The following HERC2 variants were observed in gnomAD, a reference collection of about 807,000 sequenced individuals.
The protein encoded by HERC2 is HECT and RLD domain containing E3 ubiquitin protein ligase 2, also known as E3 ubiquitin-protein ligase HERC2.
Under a neutral mutation model 537.7 loss-of-function variants are expected in HERC2, and 102 were observed. The observed-to-expected ratio is 0.19, with a 90% CI of 0.16 to 0.22. The LOEUF (loss-of-function observed/expected upper bound fraction) is 0.22, where lower values mean the gene tolerates loss of function less well. HERC2 is among the 10% of genes least tolerant of loss of function. The pLI, the probability that HERC2 is intolerant of heterozygous loss-of-function variation, is 1.00. For synonymous variants in HERC2, 2,224 were observed against 2,466.2 expected, an observed-to-expected ratio of 0.90 and a Z score of 2.91; for missense variants, 4,236 against 6,198.2, an observed-to-expected ratio of 0.68 and a Z score of 10.63.
rs552871735 is a variant in HERC2, at chr15:28,321,792, C to G, written c.-32+283G>C. On this transcript the variant is annotated intron_variant, in intron 1 of 92. Coordinates refer to ENST00000261609, the MANE Select transcript of HERC2 (RefSeq NM_004667.6). ...AGAAGTACACACACATAACAGGGAG[C>G]CCATCGTTTTAACGACAAATGACAG... Among the ~76,000 whole-genome samples, 27 of 135,464 alleles carry G rather than the reference C, an allele frequency of 2.0e-4. 6 individuals carry two copies. In the East Asian group the frequency reaches 7.4e-3, roughly 37 times the overall value. The allele number at this position is 135,464 out of a possible 152,430, so 88.9% of individuals were successfully genotyped here.
intron 30 of HERC2, among the ~76,000 whole-genome samples, chr15:28,232,630 A>G (rs909460165): frequency 2.0e-5 from 3 of 152,120 alleles, no homozygotes; most frequent in African/African-American, 7.2e-5. Flanking sequence ...AAACTATTTT[A>G]TAATTTCTAA....
At chr15:28,256,408 G>A (rs1327169084) in intron 17 of HERC2, 91 bp from the exon 18 acceptor site, 2 of 873,310 alleles carry the variant, frequency 2.3e-6, no homozygotes, top group South Asian at 1.7e-5. Flanking sequence ...TCAATTTCAA[G>A]TATTATTTAA....
At chr15:28,183,305 G>A (rs1323141802) in intron 56 of HERC2, among the ~76,000 whole-genome samples, 2 of 152,188 alleles carry the variant, frequency 1.3e-5, no homozygotes, top group Non-Finnish European at 2.9e-5. Flanking sequence ...AACCTCCCAG[G>A]CTCAAGCAAT....
intron 19 of HERC2, 138 bp downstream of exon 19, chr15:28,255,734 A>C: frequency 1.0e-6 from 1 of 955,258 alleles, no homozygotes; most frequent in Non-Finnish European, 1.5e-6. Flanking sequence ...TTGGCACATA[A>C]AAGAATTTTA....
intron 70 of HERC2, among the ~76,000 whole-genome samples, chr15:28,151,557 C>A (rs1450024314): frequency 6.6e-6 from 1 of 151,974 alleles, no homozygotes; most frequent in Non-Finnish European, 1.5e-5. Flanking sequence ...GAATCCAGGG[C>A]AGACCCCAGG....
chr15:28,292,839 A>C, intron 4 of HERC2, 49 bp downstream of exon 4: 1 of 1,569,026 alleles, frequency 6.4e-7, no homozygotes, highest in Admixed American at 2.0e-5. Context: ...TTATTTAGAA[A>C]GGGAGCGTCA....
intron 52 of HERC2, among the ~76,000 whole-genome samples, chr15:28,193,862 T>C (rs533745015): frequency 1.6e-3 from 236 of 152,156 alleles, no homozygotes; most frequent in African/African-American, 5.5e-3. Flanking sequence ...TTTTCAGACA[T>C]ACAAAAATAG....
At chr15:28,235,331 C>A (rs1193784289) in intron 26 of HERC2, among the ~76,000 whole-genome samples, 1 of 152,150 alleles carries the variant, frequency 6.6e-6, no homozygotes. Flanking sequence ...CCTGCCAGGG[C>A]CCATGGCACC....
intron 38 of HERC2, among the ~76,000 whole-genome samples, chr15:28,216,178 A>G (rs934953386): frequency 3.3e-5 from 5 of 152,132 alleles, no homozygotes; most frequent in African/African-American, 1.2e-4. Context: ...TTAGCTATGC[A>G]TTGTTTCTAG....
At chr15:28,181,779 T>A (rs955636210) in intron 57 of HERC2, among the ~76,000 whole-genome samples, 3 of 152,226 alleles carry the variant, frequency 2.0e-5, no homozygotes, top group Admixed American at 6.5e-5. Context: ...TAACCTCTCA[T>A]CCAAGTACCT....
intron 75 of HERC2, 55 bp from the exon 76 acceptor site, chr15:28,142,448 C>G (rs1891321599): frequency 1.3e-6 from 2 of 1,560,958 alleles, no homozygotes; most frequent in Admixed American, 3.7e-5. Context: ...AGTGAACAGG[C>G]CAAGGTTTCT....
intron 9 of HERC2, among the ~76,000 whole-genome samples, chr15:28,271,319 T>C (rs1486298402): frequency 6.6e-6 from 1 of 152,318 alleles, no homozygotes; most frequent in Middle Eastern, 3.4e-3. Context: ...TAAATCATAG[T>C]TCTAATTCTT....
intron 23 of HERC2, among the ~76,000 whole-genome samples, chr15:28,245,636 CACAT>C (rs1903626011): frequency 6.6e-6 from 1 of 150,820 alleles, no homozygotes; most frequent in Admixed American, 6.6e-5. Flanking sequence ...TATATGTACA[CACAT>C]ATATATACAC....
intron 21 of HERC2, among the ~76,000 whole-genome samples, chr15:28,248,062 G>A (rs1903898405): frequency 6.6e-6 from 1 of 152,132 alleles, no homozygotes; most frequent in African/African-American, 2.4e-5. Flanking sequence ...CTGCCTCAGG[G>A]ATTATCCCAA....
At chr15:28,231,775 C>T (rs571130072) in intron 30 of HERC2, among the ~76,000 whole-genome samples, 1 of 151,864 alleles carries the variant, frequency 6.6e-6, no homozygotes, top group African/African-American at 2.4e-5. Flanking sequence ...AGAGAAGGCT[C>T]GGGGATCCCT....
At chr15:28,167,348 C>A (rs1894248071) in intron 68 of HERC2, among the ~76,000 whole-genome samples, 1 of 152,200 alleles carries the variant, frequency 6.6e-6, no homozygotes, top group Non-Finnish European at 1.5e-5. Flanking sequence ...CTGTTCCACA[C>A]TGAAGACTAA....
chr15:28,261,029 G>C, intron 15 of HERC2, 59 bp from the exon 16 acceptor site: 1 of 1,338,010 alleles, frequency 7.5e-7, no homozygotes, highest in Non-Finnish European at 1.0e-6. Context: ...CTGCAAGAAA[G>C]ATATTTCCTA....
intron 20 of HERC2, among the ~76,000 whole-genome samples, chr15:28,252,158 T>C (rs1161075635): frequency 6.6e-6 from 1 of 152,166 alleles, no homozygotes; most frequent in Non-Finnish European, 1.5e-5. Flanking sequence ...ATTCAGTGTC[T>C]CAGCTATGAT....
intron 26 of HERC2, among the ~76,000 whole-genome samples, chr15:28,235,193 C>A (rs2525978): frequency 0.079 from 11,925 of 151,794 alleles, 1,595 homozygotes; most frequent in African/African-American, 0.28. Flanking sequence ...ATTCCACAAC[C>A]CACCACATTC....
Sources: allele counts gnomAD v4.1 joint callset (sites outside exome capture counted in the v4.1 genomes callset), GRCh38; gene constraint gnomAD v4.1.1; transcripts MANE v1.5; gene names NCBI Gene and HGNC (gene_info 2026-07-23, HGNC 2026-07-21).